CRYAB: variants seen among roughly 807,000 people sequenced by gnomAD.
CRYAB encodes the protein crystallin alpha B, also known as alpha-crystallin B chain.
In CRYAB, 9 loss-of-function variants were observed where a neutral mutation model predicts 12.7. The ratio of observed to expected loss-of-function variants is 0.71; its 90% CI spans 0.43 to 1.24. The LOEUF (loss-of-function observed/expected upper bound fraction) is 1.24, where lower values mean the gene tolerates loss of function less well. Among genes scored for constraint, CRYAB ranks in the 50% most tolerant of loss-of-function variants. The pLI, the probability that CRYAB is intolerant of heterozygous loss-of-function variation, is 0.00. For missense variants in CRYAB, 183 were observed against 226.6 expected (o/e 0.81, Z 1.24); for synonymous variants, 93 against 86.8 (o/e 1.07, Z -0.40).
chr11:111,908,754 GA>G lies in CRYAB; in HGVS notation c.*9del. ...TCTTGTTTTAAAAAATGCAATTCAA[GA>G]AAGGGCATCTATTTCTTGGGGGCTG... On this transcript the variant is annotated 3_prime_UTR_variant, in exon 3 of 3. Transcript: ENST00000650687. 1 of 1,612,134 alleles carries G rather than the reference GA, an allele frequency of 6.2e-7. No homozygotes were observed. Among genetic ancestry groups the G allele is most frequent in the Non-Finnish European group, 8.5e-7 (1 of 1,179,782 alleles).
intron 2 of CRYAB, 111 bp from the exon 3 acceptor site, chr11:111,909,078 C>T (rs1965369731): frequency 2.8e-6 from 3 of 1,065,102 alleles, no homozygotes; most frequent in Non-Finnish European, 4.3e-6. Context: ...AATGCCATGA[C>T]AACATAGGAA....
upstream of CRYAB, chr11:111,914,017 T>C (rs782323035): frequency 1.1e-5 from 10 of 886,510 alleles, no homozygotes; most frequent in Non-Finnish European, 1.7e-5. Context: ...GTCCACAATG[T>C]ATGGTTTGGT....
upstream of CRYAB, chr11:111,913,969 G>A: frequency 1.6e-6 from 2 of 1,289,962 alleles, no homozygotes; most frequent in Non-Finnish European, 2.1e-6. Flanking sequence ...CACCACTCCA[G>A]AGGTAGCAGC....
chr11:111,913,411 C>A (rs1447220813), upstream of CRYAB: 3 of 1,548,674 alleles, frequency 1.9e-6, no homozygotes, highest in African/African-American at 2.7e-5. Context: ...CCTCCCTCAT[C>A]CTGCCTCTTG....
In CRYAB at chr11:111,911,673, G is replaced by A. The variant is rs373032047; in HGVS notation, c.52C>T (p.His18Tyr). The change falls in exon 1 of 3, where the codon CAC becomes TAC. Residue 18 changes from histidine (H) to tyrosine (Y), a missense_variant. Transcript: ENST00000650687. Reference sequence around the variant, plus strand: ...TGGTCAAAGAGGCGGCTGGGGGAGTGGAAAGGAAAGAAGGGGCGGCGGATC... The same window carrying A: ...TGGTCAAAGAGGCGGCTGGGGGAGTAGAAAGGAAAGAAGGGGCGGCGGATC... Reference protein sequence around the residue: ...PWIRRPFFPFHSPSRLFDQFF... With the variant: ...PWIRRPFFPFYSPSRLFDQFF... 25 of 1,606,804 alleles carry A rather than the reference G, an allele frequency of 1.6e-5. No individual in the cohort carries two copies. Among genetic ancestry groups the A allele is most frequent in the Non-Finnish European group, 2.1e-5 (25 of 1,176,970 alleles).
chr11:111,922,870 A>G (rs782372529), intron 1 of CRYAB, among the ~76,000 whole-genome samples: 12 of 152,224 alleles, frequency 7.9e-5, no homozygotes, highest in Non-Finnish European at 1.8e-4. Context: ...GCATTCTAGG[A>G]GGATTGCACA....
chr11:111,912,923 G>A, upstream of CRYAB: 6 of 1,599,790 alleles, frequency 3.8e-6, no homozygotes, highest in Non-Finnish European at 5.1e-6. Context: ...CTTCGGAGAA[G>A]GTATGGCACA....
chr11:111,911,483 T>C, intron 1 of CRYAB, 41 bp downstream of exon 1: 1 of 1,571,502 alleles, frequency 6.4e-7, no homozygotes, highest in East Asian at 2.3e-5. Context: ...TCCAGGAGGT[T>C]CCAGTAAGGA....
At chr11:111,918,989 G>A in intron 1 of CRYAB, 1 of 1,614,216 alleles carries the variant, frequency 6.2e-7, no homozygotes, top group Non-Finnish European at 8.5e-7. Flanking sequence ...AACCGGGTCT[G>A]CTGCGGAGGA....
intron 2 of CRYAB, chr11:111,909,808 C>A: frequency 7.5e-6 from 2 of 265,438 alleles, no homozygotes; most frequent in Non-Finnish European, 7.2e-6. Context: ...TTTTAGGGTA[C>A]CTGTAGTTAA....
chr11:111,910,130 C>T (rs1445476626), intron 2 of CRYAB, 197 bp downstream of exon 2: 1 of 736,240 alleles, frequency 1.4e-6, no homozygotes. Flanking sequence ...TCAAAGGCCA[C>T]ATCTCTGGCC....
At chr11:111,921,475 A>G (rs1965697856) in intron 1 of CRYAB, among the ~76,000 whole-genome samples, 1 of 152,256 alleles carries the variant, frequency 6.6e-6, no homozygotes, top group Non-Finnish European at 1.5e-5. Context: ...TTATTAAGTT[A>G]GTAAAAAAGG....
chr11:111,918,751 T>G (rs1436377165), intron 1 of CRYAB: 3 of 683,810 alleles, frequency 4.4e-6, no homozygotes, highest in Non-Finnish European at 8.2e-6. Context: ...GAAGTTGAGA[T>G]AGCTCTCACC....
upstream of CRYAB, chr11:111,911,775 G>A (rs782468738): frequency 7.9e-7 from 1 of 1,262,792 alleles, no homozygotes; most frequent in Non-Finnish European, 1.1e-6. Context: ...TCCTTCAGCT[G>A]CAGCTACAGC....
chr11:111,923,576 T>G (rs1965735383), intron 1 of CRYAB: 1 of 152,196 alleles, frequency 6.6e-6, no homozygotes, highest in Non-Finnish European at 1.5e-5. Flanking sequence ...TCAGTCAGTG[T>G]TGTCTCTCTG....
intron 2 of CRYAB, chr11:111,909,882 G>A: frequency 2.1e-6 from 1 of 467,852 alleles, no homozygotes; most frequent in South Asian, 2.6e-5. Context: ...TCTCAACCTT[G>A]ACTGTAGATT....
chr11:111,909,094 A>C, intron 2 of CRYAB, 127 bp from the exon 3 acceptor site: 1 of 928,212 alleles, frequency 1.1e-6, no homozygotes, highest in Non-Finnish European at 1.7e-6. Context: ...AGGAAAAATA[A>C]ATAGAGCTTC....
In CRYAB at chr11:111,908,733, G is replaced by C. The variant is rs1592505835; in HGVS notation, c.*31C>G. The C allele has an allele frequency of 6.2e-7, 1 of 1,608,630 alleles. No homozygotes were observed. Among genetic ancestry groups the C allele is most frequent in the Non-Finnish European group, 8.5e-7 (1 of 1,176,774 alleles). On this transcript the variant is annotated 3_prime_UTR_variant, in exon 3 of 3. Coordinates refer to ENST00000650687, the MANE Select transcript of CRYAB (RefSeq NM_001289808.2). The stretch of plus-strand genomic sequence containing the variant: ...CATTCACTGGTGGGGAAACTTTCTT[G>C]TTTTAAAAAATGCAATTCAAGAAAG...
At chr11:111,918,695 C>T (rs1555166260) in intron 1 of CRYAB, 1 of 683,954 alleles carries the variant, frequency 1.5e-6, no homozygotes, top group African/African-American at 1.8e-5. Context: ...TTTATTGAAG[C>T]TTGAAGCTCA....
Sources: gnomAD v4.1 joint callset for allele counts (sites outside exome capture counted in the v4.1 genomes callset) on GRCh38, gnomAD v4.1.1 for gene constraint, MANE v1.5 for transcripts, NCBI Gene and HGNC (gene_info 2026-07-23, HGNC 2026-07-21) for gene names.